The following DLGAP1 variants were observed in gnomAD, a reference collection of about 807,000 sequenced individuals.
DLGAP1 encodes disks large-associated protein 1.
A neutral mutation model predicts 90.8 loss-of-function variants in DLGAP1; 11 were observed. The observed-to-expected ratio is 0.12, with a 90% CI of 0.08 to 0.20. The LOEUF (loss-of-function observed/expected upper bound fraction) is 0.20, where lower values mean the gene tolerates loss of function less well. Ranked by LOEUF, DLGAP1 falls within the 10% of genes least tolerant of loss-of-function variation. DLGAP1 has a pLI of 1.00. For missense variants in DLGAP1, 1,050 were observed against 1,333.8 expected (o/e 0.79, Z 3.31); for synonymous variants, 558 against 540.7 (o/e 1.03, Z -0.44).
chr18:4,115,477 C>CCTTTCTTTCTTT (rs71368730), intron 2 of DLGAP1, among the ~76,000 whole-genome samples: 5,368 of 145,462 alleles, frequency 0.037, 163 homozygotes, highest in African/African-American at 0.048. Flanking sequence ...TCATTTTCTT[C>CCTTTCTTTCTTT]CTTTCTTTCT....
chr18:3,609,232 A>T (rs2057476315), intron 7 of DLGAP1, among the ~76,000 whole-genome samples: 1 of 152,104 alleles, frequency 6.6e-6, no homozygotes, highest in Non-Finnish European at 1.5e-5. Flanking sequence ...TTTTTTGTAG[A>T]GATATGGTCT....
rs535721648 is a variant in DLGAP1, at chr18:3,711,500, G to A, written c.1591+17635C>T. Among the ~76,000 whole-genome samples, 10 of 152,188 alleles carry A rather than the reference G, an allele frequency of 6.6e-5. 1 individual carries two copies. The highest frequency in any genetic ancestry group is 1.9e-4 in the East Asian group (1 of 5,198). On this transcript the variant is annotated intron_variant, in intron 7 of 12. Transcript: ENST00000315677. This position sits in a 1 kb window ranked among gnomAD's most constrained non-coding sequence, Gnocchi z 4.0. Reference sequence around the variant, plus strand: ...CTTCAATCACCTAAAAGTGGCTCACGTATCCCACCCAGATCATCAGCTGTG... The same window carrying A: ...CTTCAATCACCTAAAAGTGGCTCACATATCCCACCCAGATCATCAGCTGTG...
At chr18:3,805,099 A>C (rs1457058700) in intron 5 of DLGAP1, among the ~76,000 whole-genome samples, 1 of 152,228 alleles carries the variant, frequency 6.6e-6, no homozygotes, top group Non-Finnish European at 1.5e-5. Context: ...AGGTGGCCAA[A>C]ACTGATAATA....
chr18:4,095,991 AT>A (rs1220813524), intron 2 of DLGAP1, among the ~76,000 whole-genome samples: 1 of 152,086 alleles, frequency 6.6e-6, no homozygotes, highest in African/African-American at 2.4e-5. Flanking sequence ...GATGATGATT[AT>A]TTTTTACCTT....
chr18:3,897,987 G>A (rs1305299580), intron 3 of DLGAP1, among the ~76,000 whole-genome samples: 11 of 151,822 alleles, frequency 7.2e-5, no homozygotes, highest in Middle Eastern at 3.4e-3. Context: ...GTAGAGACGG[G>A]GTTTCACCTT....
chr18:4,060,581 T>C (rs1022287708), intron 2 of DLGAP1, among the ~76,000 whole-genome samples: 3 of 152,158 alleles, frequency 2.0e-5, no homozygotes, highest in Non-Finnish European at 2.9e-5. Context: ...TGAGGAAGAA[T>C]AGCTTCTACA....
At chr18:4,396,604 A>C (rs2082447716) in intron 1 of DLGAP1, among the ~76,000 whole-genome samples, 1 of 152,200 alleles carries the variant, frequency 6.6e-6, no homozygotes, top group African/African-American at 2.4e-5. Context: ...AGAGGAAGCC[A>C]CATGTTCTTC....
intron 7 of DLGAP1, among the ~76,000 whole-genome samples, chr18:3,591,435 C>T (rs895100124): frequency 6.6e-6 from 1 of 152,038 alleles, no homozygotes; most frequent in Non-Finnish European, 1.5e-5. Flanking sequence ...TTCCTGTAAT[C>T]CCAGCACTTT....
At chr18:3,968,324 C>G (rs1007722513) in intron 3 of DLGAP1, among the ~76,000 whole-genome samples, 1 of 152,144 alleles carries the variant, frequency 6.6e-6, no homozygotes, top group African/African-American at 2.4e-5. Context: ...TTTTACGCAG[C>G]TATTGATCTC....
chr18:4,299,104 A>AAAAAC (rs2080062065), intron 1 of DLGAP1, among the ~76,000 whole-genome samples: 41 of 131,708 alleles, frequency 3.1e-4, no homozygotes, highest in South Asian at 5.0e-4. Context: ...AAAAAAAAAA[A>AAAAAC]AAAAAATAGA....
intron 7 of DLGAP1, among the ~76,000 whole-genome samples, chr18:3,590,409 T>A (rs73381217): frequency 5.3e-5 from 8 of 151,956 alleles, no homozygotes; most frequent in South Asian, 2.1e-4. Context: ...GAAATCCAGG[T>A]TCCCCCCTGT....
At chr18:4,021,208 C>T (rs2074603201) in intron 2 of DLGAP1, among the ~76,000 whole-genome samples, 1 of 152,140 alleles carries the variant, frequency 6.6e-6, no homozygotes, top group Admixed American at 6.6e-5. Flanking sequence ...TTGCAATTCC[C>T]CTGTCTTGAT....
At chr18:4,200,260 A>G (rs184002303) in intron 1 of DLGAP1, among the ~76,000 whole-genome samples, 9 of 152,168 alleles carry the variant, frequency 5.9e-5, no homozygotes, top group South Asian at 2.1e-4. Flanking sequence ...TATCTATACT[A>G]TGTACCACTC....
chr18:3,958,253 G>T (rs1304824667), intron 3 of DLGAP1, among the ~76,000 whole-genome samples: 1 of 151,796 alleles, frequency 6.6e-6, no homozygotes, highest in East Asian at 1.9e-4. Flanking sequence ...TGGAAGCAGG[G>T]GTTATGTATG....
At chr18:3,547,169 C>G (rs192514888) in intron 9 of DLGAP1, among the ~76,000 whole-genome samples, 5 of 151,564 alleles carry the variant, frequency 3.3e-5, no homozygotes, top group Admixed American at 6.6e-5. Flanking sequence ...GGCGTGGTGG[C>G]GGGCGCCGGT....
intron 2 of DLGAP1, among the ~76,000 whole-genome samples, chr18:4,070,956 C>T (rs9789225): frequency 0.82 from 124,346 of 152,094 alleles, 51,058 homozygotes; most frequent in East Asian, 0.94. Context: ...AAAGCTGGTG[C>T]TGTCTTAAGG....
At chr18:3,635,298 TTTTTTTGTATTGTA>T (rs2058672919) in intron 7 of DLGAP1, among the ~76,000 whole-genome samples, 2 of 151,786 alleles carry the variant, frequency 1.3e-5, no homozygotes, top group Non-Finnish European at 2.9e-5. Context: ...GCCCGGCTGA[TTTTTTTGTATTGTA>T]TTTTTAGTAG....
At chr18:4,408,941 T>C (rs1441628924) in intron 1 of DLGAP1, among the ~76,000 whole-genome samples, 6 of 146,816 alleles carry the variant, frequency 4.1e-5, no homozygotes, top group Non-Finnish European at 8.9e-5. Flanking sequence ...TTAAGCTCAA[T>C]TGGCAAATGA....
At chr18:4,064,897 A>C (rs1399748798) in intron 2 of DLGAP1, among the ~76,000 whole-genome samples, 1 of 152,196 alleles carries the variant, frequency 6.6e-6, no homozygotes. Context: ...TCAGGAAAAT[A>C]TCCTTGAAGA....
Sources: gnomAD v4.1 joint callset for allele counts (sites outside exome capture counted in the v4.1 genomes callset) on GRCh38, gnomAD v4.1.1 for gene constraint, Gnocchi (gnomAD v3.1) non-coding constraint, MANE v1.5 for transcripts, NCBI Gene and HGNC (gene_info 2026-07-23, HGNC 2026-07-21) for gene names.